Variants in NDST4 observed in about 807,000 individuals in gnomAD.
The protein encoded by NDST4 is N-deacetylase and N-sulfotransferase 4.
Under a neutral mutation model 100.8 loss-of-function variants are expected in NDST4, and 63 were observed. The ratio of observed to expected loss-of-function variants is 0.62; its 90% CI spans 0.51 to 0.77. The LOEUF is 0.77. Ranked by LOEUF, NDST4 falls within the 30% of genes least tolerant of loss-of-function variation. The probability of loss-of-function intolerance (pLI) is 0.00; values close to 1 mark genes in which losing one functional copy is unlikely to be tolerated. For synonymous variants in NDST4, 377 were observed against 361.8 expected (o/e 1.04, Z -0.48); for missense variants, 943 against 1,018.4 (o/e 0.93, Z 1.01).
At chr4:114,871,638 T>C (rs570389135) in intron 6 of NDST4, among the ~76,000 whole-genome samples, 2 of 152,148 alleles carry the variant, frequency 1.3e-5, no homozygotes, top group South Asian at 4.1e-4. Context: ...TTTAGTTCAT[T>C]AGGCATTGCA....
At chr4:114,892,188 C>T (rs897242209) in intron 6 of NDST4, among the ~76,000 whole-genome samples, 1 of 151,902 alleles carries the variant, frequency 6.6e-6, no homozygotes, top group Non-Finnish European at 1.5e-5. Flanking sequence ...TTATAAATTC[C>T]CCAGCATACT....
chr4:114,878,627 A>G (rs191589342), intron 6 of NDST4, among the ~76,000 whole-genome samples: 2 of 152,304 alleles, frequency 1.3e-5, no homozygotes, highest in Non-Finnish European at 2.9e-5. Context: ...TAGTGTATCA[A>G]TTAACTTCTC....
intron 4 of NDST4, among the ~76,000 whole-genome samples, chr4:114,969,141 G>A (rs1389255231): frequency 6.6e-6 from 1 of 151,686 alleles, no homozygotes; most frequent in African/African-American, 2.4e-5. Flanking sequence ...GTGAAACCCC[G>A]TCTCTACTAA....
At chr4:114,999,396 T>C (rs546119912) in intron 2 of NDST4, among the ~76,000 whole-genome samples, 46 of 152,204 alleles carry the variant, frequency 3.0e-4, no homozygotes, top group African/African-American at 1.1e-3. Flanking sequence ...TCATATCTAC[T>C]TCCTACTTTA....
chr4:114,829,980 T>G, intron 12 of NDST4, 88 bp from the exon 13 acceptor site: 1 of 866,208 alleles, frequency 1.2e-6, no homozygotes, highest in South Asian at 1.5e-5. Flanking sequence ...AAATGTATTT[T>G]TGTATGCCCA....
At chr4:114,925,036 C>T (rs1485529950) in intron 6 of NDST4, among the ~76,000 whole-genome samples, 1 of 151,998 alleles carries the variant, frequency 6.6e-6, no homozygotes, top group African/African-American at 2.4e-5. Flanking sequence ...AGAAAATCTC[C>T]TAGGTCTCCA....
chr4:115,071,353 TA>T (rs1420746703), intron 2 of NDST4, among the ~76,000 whole-genome samples: 98 of 151,610 alleles, frequency 6.5e-4, no homozygotes, highest in Non-Finnish European at 8.8e-4. Context: ...AGGATAAGGC[TA>T]TGTCTGAATT....
intron 6 of NDST4, among the ~76,000 whole-genome samples, chr4:114,881,042 C>G (rs1724356265): frequency 6.6e-6 from 1 of 152,038 alleles, no homozygotes. Flanking sequence ...AAGAAAGAGA[C>G]CAGCTCATAT....
In NDST4 at chr4:115,066,712, T is replaced by A. The variant is rs182412129; in HGVS notation, c.978+9347A>T. On this transcript the variant is annotated intron_variant, in intron 2 of 13. Coordinates refer to ENST00000264363, the MANE Select transcript of NDST4 (RefSeq NM_022569.3). The stretch of plus-strand genomic sequence containing the variant: ...GAGGACTTTCAAATAGTACATTGAA[T>A]TCTCACAGCTGGGCACCTAAAGATT... Among the ~76,000 whole-genome samples, 461 of 152,276 alleles carry A rather than the reference T, an allele frequency of 3.0e-3. 1 individual carries two copies. The highest frequency in any genetic ancestry group is 0.011 in the African/African-American group (439 of 41,574).
intron 6 of NDST4, among the ~76,000 whole-genome samples, chr4:114,893,587 TG>T (rs1724645990): frequency 6.6e-6 from 1 of 150,818 alleles, no homozygotes; most frequent in Admixed American, 6.6e-5. Flanking sequence ...CTTTCTGATG[TG>T]TTTTTTTTTT....
chr4:115,050,732 G>A (rs546431104), intron 2 of NDST4, among the ~76,000 whole-genome samples: 7 of 152,186 alleles, frequency 4.6e-5, no homozygotes, highest in Admixed American at 1.3e-4. Context: ...TTGTGAGGTC[G>A]TAAAGAATTC....
In NDST4 at chr4:114,970,561, C is replaced by T; in HGVS notation, c.1090G>A (p.Asp364Asn). The T allele has an allele frequency of 1.9e-6, 3 of 1,613,734 alleles. No homozygotes were observed. The highest frequency in any genetic ancestry group is 2.2e-5 in the East Asian group (1 of 44,864). ...TCCACAGACCGAAGTAAAAGGTCATCTCCTTCATCTTCCTCTTCAGTCCCT... is the reference window on the plus strand; with the variant it reads ...TCCACAGACCGAAGTAAAAGGTCATTTCCTTCATCTTCCTCTTCAGTCCCT... Reference protein sequence around the residue: ...HTGTEEEDEGDDLLLRSVDEF... With the variant: ...HTGTEEEDEGNDLLLRSVDEF... The change falls in exon 4 of 14, where the codon GAT becomes AAT. Residue 364 changes from aspartate to asparagine, a missense_variant. Transcript: ENST00000264363.
At chr4:114,969,945 T>C (rs746108888) in intron 4 of NDST4, among the ~76,000 whole-genome samples, 16 of 152,226 alleles carry the variant, frequency 1.1e-4, no homozygotes, top group Non-Finnish European at 2.1e-4. Context: ...GTGTAAGTGT[T>C]CTCTTTTCCT....
intron 13 of NDST4, among the ~76,000 whole-genome samples, chr4:114,828,343 T>C (rs1005194068): frequency 6.6e-6 from 1 of 152,004 alleles, no homozygotes; most frequent in African/African-American, 2.4e-5. Context: ...AAGATAAAAA[T>C]TGAATGTGAG....
At chr4:114,840,083 A>C (rs777074561) in intron 10 of NDST4, among the ~76,000 whole-genome samples, 7 of 152,166 alleles carry the variant, frequency 4.6e-5, no homozygotes, top group Admixed American at 4.6e-4. Flanking sequence ...CCTGTGTATC[A>C]GGTGCTATGG....
intron 2 of NDST4, among the ~76,000 whole-genome samples, chr4:115,062,715 G>A (rs963579019): frequency 6.6e-6 from 1 of 151,446 alleles, no homozygotes; most frequent in Non-Finnish European, 1.5e-5. Context: ...AAAAGAAATA[G>A]TCATTAAATA....
chr4:115,022,378 C>T (rs768563157), intron 2 of NDST4, among the ~76,000 whole-genome samples: 6,055 of 18,506 alleles, frequency 0.33, 622 homozygotes, highest in Admixed American at 0.41. Context: ...GTTCCATGTA[C>T]ATATGTGTTC....
intron 2 of NDST4, among the ~76,000 whole-genome samples, chr4:115,022,458 G>A (rs370892608): frequency 9.8e-5 from 6 of 61,482 alleles, no homozygotes; most frequent in African/African-American, 4.0e-4. Flanking sequence ...CCATATATAT[G>A]TGTTCCATAT....
chr4:115,076,804 G>A lies in NDST4; in HGVS notation c.233C>T (p.Pro78Leu), dbSNP rs746576830. ...GCTCTCCACGAAGAGAAGGACAGTAGGGTCCGTTTTGGATGTGTCAATAGG... is the reference window on the plus strand; with the variant it reads ...GCTCTCCACGAAGAGAAGGACAGTAAGGTCCGTTTTGGATGTGTCAATAGG... Reference protein sequence around the residue: ...VKPIDTSKTDPTVLLFVESQY... With the variant: ...VKPIDTSKTDLTVLLFVESQY... The change falls in exon 2 of 14, where the codon CCT (proline) becomes CTT (leucine). Residue 78 changes from proline to leucine, a missense_variant. Physicochemically the swap from Pro to Leu is moderately conservative, Grantham distance 98 (BLOSUM62 -3). This residue lies in a region of NDST4 where 417 missense variants were observed against 384.2 expected (regional missense o/e 1.09). Transcript: ENST00000264363. The A allele has an allele frequency of 6.2e-7, 1 of 1,613,924 alleles. No individual in the cohort carries two copies. Among genetic ancestry groups the A allele is most frequent in the Non-Finnish European group, 8.5e-7 (1 of 1,179,934 alleles).
Sources: allele counts gnomAD v4.1 joint callset (sites outside exome capture counted in the v4.1 genomes callset), GRCh38; gene constraint gnomAD v4.1.1; regional missense constraint gnomAD v4.1.1; transcripts MANE v1.5; gene names NCBI Gene and HGNC (gene_info 2026-07-23, HGNC 2026-07-21).